Variants in MGAT4A observed in about 807,000 individuals in gnomAD.
The protein encoded by MGAT4A is alpha-1,3-mannosyl-glycoprotein 4-beta-N-acetylglucosaminyltransferase A, also known as N-acetylglucosaminyltransferase IVa.
A neutral mutation model predicts 74.1 loss-of-function variants in MGAT4A; 33 were observed. That is an observed-to-expected ratio of 0.45 (90% confidence interval 0.34 to 0.60). The LOEUF (loss-of-function observed/expected upper bound fraction) is 0.60. Among genes scored for constraint, MGAT4A ranks in the 20% least tolerant of loss-of-function variants. The probability of loss-of-function intolerance (pLI) is 0.02; values close to 1 mark genes in which losing one functional copy is unlikely to be tolerated. For synonymous variants in MGAT4A, 198 were observed against 210.4 expected, an observed-to-expected ratio of 0.94 and a Z score of 0.51; for missense variants, 479 against 628.3, an observed-to-expected ratio of 0.76 and a Z score of 2.54.
chr2:98,714,758 G>A lies in MGAT4A; in HGVS notation c.94+11481C>T, dbSNP rs577636084. On this transcript the variant is annotated intron_variant, in intron 2 of 15. Transcript: ENST00000393487. Reference sequence around the variant, plus strand: ...CTCTAAAAATGATGGAGACTAGATAGAGGTGGTAGTTGCACAACATTGTGA... The same window carrying A: ...CTCTAAAAATGATGGAGACTAGATAAAGGTGGTAGTTGCACAACATTGTGA... Among the ~76,000 whole-genome samples, 4 of 152,278 alleles carry A rather than the reference G, an allele frequency of 2.6e-5. No homozygotes were observed. The East Asian group carries it at 7.7e-4, about 29-fold the overall frequency.
At chr2:98,698,523 A>T (rs953729524) in intron 2 of MGAT4A, among the ~76,000 whole-genome samples, 1 of 152,240 alleles carries the variant, frequency 6.6e-6, no homozygotes, top group Non-Finnish European at 1.5e-5. Flanking sequence ...TCCCAGTATC[A>T]ACGCTCCTTT....
intron 10 of MGAT4A, among the ~76,000 whole-genome samples, chr2:98,642,128 AT>A (rs1701420213): frequency 6.6e-6 from 1 of 152,164 alleles, no homozygotes; most frequent in Non-Finnish European, 1.5e-5. Flanking sequence ...GAAATAGTGT[AT>A]TTTCTTTGCA....
chr2:98,703,915 C>A (rs1267623819), intron 2 of MGAT4A, among the ~76,000 whole-genome samples: 1 of 152,194 alleles, frequency 6.6e-6, no homozygotes, highest in African/African-American at 2.4e-5. Flanking sequence ...TGACCACTCG[C>A]ATCTAAACAG....
At chr2:98,713,399 A>G (rs1702545256) in intron 2 of MGAT4A, among the ~76,000 whole-genome samples, 1 of 151,732 alleles carries the variant, frequency 6.6e-6, no homozygotes, top group Non-Finnish European at 1.5e-5. Context: ...CAAAAACTAA[A>G]TTCTTGCTTT....
intron 4 of MGAT4A, among the ~76,000 whole-genome samples, chr2:98,667,239 C>CT (rs1179528037): frequency 2.6e-5 from 4 of 152,152 alleles, no homozygotes; most frequent in East Asian, 1.9e-4. Flanking sequence ...TCAGGTATGT[C>CT]TTTATCAGCA....
chr2:98,703,115 A>T (rs528564135), intron 2 of MGAT4A, among the ~76,000 whole-genome samples: 10 of 152,352 alleles, frequency 6.6e-5, no homozygotes, highest in Non-Finnish European at 1.2e-4. Context: ...GTTACTATAA[A>T]TAAGTTAAAA....
chr2:98,650,990 G>A (rs1701569630), intron 8 of MGAT4A, among the ~76,000 whole-genome samples: 2 of 151,992 alleles, frequency 1.3e-5, no homozygotes, highest in South Asian at 4.2e-4. Context: ...GCTGGGCGCA[G>A]CAAGGTGGAG....
At chr2:98,682,738 C>T (rs1011865813) in intron 2 of MGAT4A, among the ~76,000 whole-genome samples, 8 of 152,190 alleles carry the variant, frequency 5.3e-5, no homozygotes, top group African/African-American at 1.7e-4. Context: ...AAATGCATAA[C>T]CTGATTCTAA....
chr2:98,630,117 T>G (rs552030062), intron 14 of MGAT4A, among the ~76,000 whole-genome samples: 1 of 152,340 alleles, frequency 6.6e-6, no homozygotes, highest in East Asian at 1.9e-4. Context: ...CTTCTCTTCC[T>G]AAGTCTATAT....
chr2:98,708,168 A>G (rs1702465860), intron 2 of MGAT4A, among the ~76,000 whole-genome samples: 1 of 151,538 alleles, frequency 6.6e-6, no homozygotes. Flanking sequence ...GGGTCTCACT[A>G]TGTTGCCCAG....
intron 2 of MGAT4A, among the ~76,000 whole-genome samples, chr2:98,722,515 C>T (rs147131237): frequency 1.1e-3 from 161 of 152,194 alleles, no homozygotes; most frequent in Middle Eastern, 3.4e-3. Context: ...TTAGTGGTTG[C>T]CTAACCCCTA....
intron 14 of MGAT4A, 105 bp from the exon 15 acceptor site, chr2:98,625,940 T>A: frequency 1.4e-6 from 1 of 690,622 alleles, no homozygotes; most frequent in Non-Finnish European, 2.4e-6. Context: ...TTCTAGTAGA[T>A]GTCTTTTGAC....
chr2:98,640,903 A>G (rs966471472), intron 10 of MGAT4A, among the ~76,000 whole-genome samples: 6 of 152,226 alleles, frequency 3.9e-5, no homozygotes, highest in African/African-American at 1.2e-4. Context: ...TAATAATATA[A>G]TGAATTTGCA....
At chr2:98,709,918 T>A (rs1702493635) in intron 2 of MGAT4A, among the ~76,000 whole-genome samples, 1 of 152,162 alleles carries the variant, frequency 6.6e-6, no homozygotes, top group Non-Finnish European at 1.5e-5. Context: ...CCTATAAAAC[T>A]CCAGTCCTAT....
intron 4 of MGAT4A, among the ~76,000 whole-genome samples, chr2:98,664,914 C>G (rs1701802155): frequency 6.6e-6 from 1 of 152,000 alleles, no homozygotes; most frequent in Non-Finnish European, 1.5e-5. Flanking sequence ...AAAAATTATG[C>G]CTTAAAGTCT....
rs545005900 is a variant in MGAT4A, at chr2:98,719,716, G to A, written c.94+6523C>T. ...ACTGGAGTACAGTGGGGGCGATCTCGGCTCACTGCAACCTCCGCCTCCTGG... is the reference window on the plus strand; with the variant it reads ...ACTGGAGTACAGTGGGGGCGATCTCAGCTCACTGCAACCTCCGCCTCCTGG... On this transcript the variant is annotated intron_variant, in intron 2 of 15. Coordinates refer to ENST00000393487, the MANE Select transcript of MGAT4A (RefSeq NM_012214.3). Among the ~76,000 whole-genome samples, 6 of 152,236 alleles carry A rather than the reference G, an allele frequency of 3.9e-5. No homozygotes were observed. The South Asian group carries it at 1.0e-3, about 26-fold the overall frequency.
intron 14 of MGAT4A, among the ~76,000 whole-genome samples, chr2:98,632,110 CAATAAATA>C (rs200108760): frequency 6.7e-5 from 10 of 149,746 alleles, no homozygotes; most frequent in African/African-American, 2.0e-4. Flanking sequence ...ACTCTGTCTC[CAATAAATA>C]AATAAATAAA....
intron 8 of MGAT4A, among the ~76,000 whole-genome samples, chr2:98,653,364 A>G (rs1412713837): frequency 6.6e-6 from 1 of 150,980 alleles, no homozygotes; most frequent in Admixed American, 6.6e-5. Flanking sequence ...AGAAAAAAAA[A>G]AGCAGAAAAA....
chr2:98,710,943 C>T (rs901133722), intron 2 of MGAT4A, among the ~76,000 whole-genome samples: 1 of 151,652 alleles, frequency 6.6e-6, no homozygotes, highest in Non-Finnish European at 1.5e-5. Context: ...ATAAGAAGAA[C>T]GGCGGGTGGG....
Sources: gnomAD v4.1 joint callset for allele counts (sites outside exome capture counted in the v4.1 genomes callset) on GRCh38, gnomAD v4.1.1 for gene constraint, MANE v1.5 for transcripts, NCBI Gene and HGNC (gene_info 2026-07-23, HGNC 2026-07-21) for gene names.